The following DGKB variants were observed in gnomAD, a reference collection of about 807,000 sequenced individuals.
DGKB encodes diacylglycerol kinase beta.
A neutral mutation model predicts 114.3 loss-of-function variants in DGKB; 67 were observed. The ratio of observed to expected loss-of-function variants is 0.59; its 90% CI spans 0.48 to 0.72. DGKB has a LOEUF of 0.72. DGKB is among the 30% of genes least tolerant of loss of function. The pLI is 0.00. For missense variants in DGKB, 907 were observed against 975.2 expected, an observed-to-expected ratio of 0.93 and a Z score of 0.93; for synonymous variants, 398 against 323.1, an observed-to-expected ratio of 1.23 and a Z score of -2.49.
At chr7:14,922,856 T>G (rs1015769536) in intron 1 of DGKB, among the ~76,000 whole-genome samples, 1 of 152,212 alleles carries the variant, frequency 6.6e-6, no homozygotes, top group Non-Finnish European at 1.5e-5. Context: ...TCCTTTTTTC[T>G]GATGAGAACA....
intron 21 of DGKB, among the ~76,000 whole-genome samples, chr7:14,428,615 G>A (rs1827951534): frequency 6.6e-6 from 1 of 151,570 alleles, no homozygotes; most frequent in Non-Finnish European, 1.5e-5. Flanking sequence ...CTTCATTATT[G>A]CTCTTAAATG....
intron 23 of DGKB, among the ~76,000 whole-genome samples, chr7:14,230,302 C>T (rs1488925744): frequency 6.6e-6 from 1 of 151,816 alleles, no homozygotes; most frequent in African/African-American, 2.4e-5. Context: ...TTGATGAATG[C>T]TTTTTTTGCC....
At chr7:14,732,257 T>C (rs1410658761) in intron 5 of DGKB, among the ~76,000 whole-genome samples, 2 of 152,046 alleles carry the variant, frequency 1.3e-5, no homozygotes, top group Non-Finnish European at 2.9e-5. Context: ...AGTTGCTGTA[T>C]AGAGTAAAAG....
At chr7:14,900,007 C>A (rs1159723926) in intron 1 of DGKB, among the ~76,000 whole-genome samples, 2 of 152,026 alleles carry the variant, frequency 1.3e-5, no homozygotes, top group Non-Finnish European at 2.9e-5. Context: ...GAGAAAATGC[C>A]GTCTCCCTCC....
chr7:14,391,364 C>T (rs775218982), intron 21 of DGKB, among the ~76,000 whole-genome samples: 5 of 151,886 alleles, frequency 3.3e-5, no homozygotes, highest in Non-Finnish European at 7.4e-5. Context: ...ATGTTCTTCC[C>T]AGGAGGAGAT....
chr7:14,440,200 A>T (rs1829885929), intron 21 of DGKB, among the ~76,000 whole-genome samples: 1 of 152,080 alleles, frequency 6.6e-6, no homozygotes, highest in African/African-American at 2.4e-5. Context: ...ATTATCACTA[A>T]CAGGCTTCAG....
intron 2 of DGKB, among the ~76,000 whole-genome samples, chr7:14,816,840 C>G (rs773190309): frequency 6.6e-6 from 1 of 152,094 alleles, no homozygotes; most frequent in African/African-American, 2.4e-5. Context: ...TTGACTTTCT[C>G]CAGGTACCCA....
chr7:14,633,542 G>C (rs1473626279), intron 13 of DGKB, among the ~76,000 whole-genome samples: 2 of 151,794 alleles, frequency 1.3e-5, no homozygotes, highest in Non-Finnish European at 2.9e-5. Flanking sequence ...AGATCTAAAA[G>C]AAAAGTAGAA....
chr7:14,599,241 C>T lies in DGKB; in HGVS notation c.1433+8193G>A, dbSNP rs557426329. Among the ~76,000 whole-genome samples, 50 of 152,220 alleles carry T rather than the reference C, an allele frequency of 3.3e-4. 1 individual carries two copies. The highest frequency in any genetic ancestry group is 6.3e-4 in the Non-Finnish European group (43 of 68,004). ...AATACAATACAGTCCTGGGCAAATG[C>T]TAAATTGGGCCAGATGCTAGGACAC... On this transcript the variant is annotated intron_variant, in intron 17 of 25. Coordinates refer to ENST00000402815, the MANE Select transcript of DGKB (RefSeq NM_001350709.2).
chr7:14,849,735 C>T (rs560794842), intron 1 of DGKB, among the ~76,000 whole-genome samples: 7 of 152,222 alleles, frequency 4.6e-5, no homozygotes, highest in African/African-American at 1.7e-4. Context: ...AATCTCCATT[C>T]TCCTCCAGTG....
intron 21 of DGKB, among the ~76,000 whole-genome samples, chr7:14,462,882 A>G (rs551549181): frequency 3.5e-4 from 54 of 152,280 alleles, no homozygotes; most frequent in Middle Eastern, 6.8e-3. Flanking sequence ...TGGTACTGGT[A>G]CCAAAACAGA....
intron 23 of DGKB, among the ~76,000 whole-genome samples, chr7:14,284,035 G>C (rs962498946): frequency 2.6e-5 from 4 of 152,122 alleles, no homozygotes; most frequent in Non-Finnish European, 5.9e-5. Flanking sequence ...AAATTAAAGA[G>C]CTTCTGCACA....
intron 13 of DGKB, among the ~76,000 whole-genome samples, chr7:14,637,452 T>C (rs1810959399): frequency 6.6e-6 from 1 of 151,772 alleles, no homozygotes; most frequent in African/African-American, 2.4e-5. Context: ...ATATGCTCTT[T>C]AGGAGCAAAC....
At chr7:14,841,526 A>G (rs1363485798) in intron 1 of DGKB, 76 bp from the exon 2 acceptor site, 1 of 337,092 alleles carries the variant, frequency 3.0e-6, no homozygotes, top group Non-Finnish European at 5.3e-6. Context: ...AAGGTGTTGA[A>G]TGTTAAATAC....
At chr7:14,420,330 T>C (rs1266287893) in intron 21 of DGKB, among the ~76,000 whole-genome samples, 5 of 152,012 alleles carry the variant, frequency 3.3e-5, no homozygotes, top group African/African-American at 9.7e-5. Context: ...AGTTCTCTTG[T>C]CTCATTGATC....
rs996799824 is a variant in DGKB, at chr7:14,610,042, T to A, written c.1359-2534A>T. On this transcript the variant is annotated intron_variant, in intron 16 of 25. Coordinates refer to ENST00000402815, the MANE Select transcript of DGKB (RefSeq NM_001350709.2). The stretch of plus-strand genomic sequence containing the variant: ...GTGGGTGTAAACTCGAAGGAAAACA[T>A]ACCATATACCAAAAAGATACATGCA... 3.9e-5 allele frequency among the ~76,000 whole-genome samples: 6 copies of A among 152,024 alleles called. No homozygotes were observed. The South Asian group carries it at 8.3e-4, about 21-fold the overall frequency.
chr7:14,817,090 T>A (rs1157633073), intron 2 of DGKB, among the ~76,000 whole-genome samples: 2 of 152,182 alleles, frequency 1.3e-5, no homozygotes, highest in African/African-American at 4.8e-5. Context: ...CTATATTATA[T>A]AAGGGCTAAT....
intron 20 of DGKB, among the ~76,000 whole-genome samples, chr7:14,489,036 T>C (rs1784243243): frequency 2.6e-5 from 4 of 152,158 alleles, no homozygotes; most frequent in Admixed American, 2.6e-4. Context: ...TAACATAGAA[T>C]TAATCTACTT....
intron 23 of DGKB, among the ~76,000 whole-genome samples, chr7:14,259,808 T>C (rs1444811687): frequency 6.6e-6 from 1 of 152,162 alleles, no homozygotes; most frequent in African/African-American, 2.4e-5. Context: ...TGGGTAGCTA[T>C]GGGGTTCTCT....
Sources: gnomAD v4.1 joint callset for allele counts (sites outside exome capture counted in the v4.1 genomes callset) on GRCh38, gnomAD v4.1.1 for gene constraint, MANE v1.5 for transcripts, NCBI Gene and HGNC (gene_info 2026-07-23, HGNC 2026-07-21) for gene names.